Variants in CTNNA3 observed in about 807,000 individuals in gnomAD.
CTNNA3 encodes the protein catenin alpha-3.
CTNNA3 carries 76 observed loss-of-function variants against 95.7 expected under a neutral mutation model. The observed-to-expected ratio is 0.79, with a 90% CI of 0.66 to 0.96. The LOEUF (loss-of-function observed/expected upper bound fraction) is 0.96, where lower values mean the gene tolerates loss of function less well. Among genes scored for constraint, CTNNA3 ranks in the 40% least tolerant of loss-of-function variants. CTNNA3 has a pLI of 0.00. For synonymous variants in CTNNA3, 431 were observed against 374.4 expected, an observed-to-expected ratio of 1.15 and a Z score of -1.74; for missense variants, 1,191 against 1,089.8, an observed-to-expected ratio of 1.09 and a Z score of -1.31.
At chr10:67,334,567 T>A (rs1203818034) in intron 5 of CTNNA3, 2 of 152,556 alleles carry the variant, frequency 1.3e-5, no homozygotes, top group African/African-American at 4.8e-5. Flanking sequence ...CTGCACGTGA[T>A]GTGGGTTCCA....
At chr10:67,108,443 A>G (rs1043400632) in intron 7 of CTNNA3, among the ~76,000 whole-genome samples, 1 of 152,038 alleles carries the variant, frequency 6.6e-6, no homozygotes, top group Non-Finnish European at 1.5e-5. Context: ...CTATATAATG[A>G]TATTTTGATA....
intron 6 of CTNNA3, among the ~76,000 whole-genome samples, chr10:67,196,235 TA>T (rs996252989): frequency 3.9e-5 from 6 of 151,918 alleles, no homozygotes; most frequent in Admixed American, 2.0e-4. Flanking sequence ...GCTTTAGATA[TA>T]AAAAAAATTT....
intron 5 of CTNNA3, among the ~76,000 whole-genome samples, chr10:67,497,612 A>T (rs890995976): frequency 2.0e-5 from 3 of 152,172 alleles, no homozygotes; most frequent in Non-Finnish European, 4.4e-5. Flanking sequence ...CTAACTTTTT[A>T]AAGATAGCCA....
chr10:66,886,462 T>G (rs988866052), intron 7 of CTNNA3, among the ~76,000 whole-genome samples: 1 of 152,148 alleles, frequency 6.6e-6, no homozygotes, highest in African/African-American at 2.4e-5. Context: ...TTGAACTGCA[T>G]GCTTTAGACC....
At chr10:67,080,241 T>C (rs1468181556) in intron 7 of CTNNA3, among the ~76,000 whole-genome samples, 2 of 152,222 alleles carry the variant, frequency 1.3e-5, no homozygotes, top group African/African-American at 4.8e-5. Context: ...GATTGGGTTT[T>C]GAAATGGTAT....
intron 10 of CTNNA3, among the ~76,000 whole-genome samples, chr10:66,533,736 C>T (rs973428351): frequency 2.0e-5 from 3 of 152,068 alleles, no homozygotes; most frequent in Non-Finnish European, 4.4e-5. Flanking sequence ...TCAAGTCTAT[C>T]CCTACAGCGA....
At chr10:67,250,785 G>T (rs946235469) in intron 5 of CTNNA3, among the ~76,000 whole-genome samples, 3 of 152,086 alleles carry the variant, frequency 2.0e-5, no homozygotes, top group Non-Finnish European at 4.4e-5. Context: ...ATCACTTCAC[G>T]CCCACTAAGA....
At position 67,638,217 on chromosome 10, in the gene CTNNA3, G is replaced by C. The variant is rs186757007; in HGVS notation, c.99+9198C>G. ...AAAAAAGGCAGGGGTTGCAATCCTA[G>C]TCTCTGATAAGACAGACTTTAAACC... On this transcript the variant is annotated intron_variant, in intron 2 of 17. Transcript: ENST00000433211. Among the ~76,000 whole-genome samples the C allele has an allele frequency of 9.9e-3, 1,510 of 152,278 alleles. 31 individuals are homozygous for C. The highest frequency in any genetic ancestry group is 0.035 in the African/African-American group (1,438 of 41,550).
rs140409919 is a variant in CTNNA3 at position 67,728,801 on chromosome 10, G to A, written c.-2+34633C>T. Reference sequence around the variant, plus strand: ...CATAGTTAGCTAGATTTGTTAGGTCGGACTGACTGCTATGTGGTACTTACT... The same window carrying A: ...CATAGTTAGCTAGATTTGTTAGGTCAGACTGACTGCTATGTGGTACTTACT... On this transcript the variant is annotated intron_variant, in intron 1 of 17. Coordinates refer to the CTNNA3 transcript ENST00000684154. Among the ~76,000 whole-genome samples, 21 of 152,024 alleles carry A rather than the reference G, an allele frequency of 1.4e-4. No individual in the cohort carries two copies. In the East Asian group the frequency reaches 2.7e-3, roughly 20 times the overall value.
intron 15 of CTNNA3, among the ~76,000 whole-genome samples, chr10:66,043,807 C>G (rs1353977148): frequency 6.6e-6 from 1 of 152,150 alleles, no homozygotes; most frequent in Non-Finnish European, 1.5e-5. Flanking sequence ...CTGTTAAACA[C>G]CAGTCAAACA....
intron 16 of CTNNA3, among the ~76,000 whole-genome samples, chr10:65,983,201 C>T (rs1279907942): frequency 2.0e-5 from 3 of 151,564 alleles, no homozygotes; most frequent in African/African-American, 7.3e-5. Context: ...CAGTTATTAG[C>T]CTTAATATCT....
At chr10:66,108,144 G>A (rs537462071) in intron 13 of CTNNA3, among the ~76,000 whole-genome samples, 19 of 152,170 alleles carry the variant, frequency 1.2e-4, no homozygotes, top group Middle Eastern at 3.4e-3. Flanking sequence ...TCAAAATGGA[G>A]AGATCACAAT....
At chr10:67,711,090 T>A (rs1051349909) in intron 1 of CTNNA3, among the ~76,000 whole-genome samples, 2 of 152,216 alleles carry the variant, frequency 1.3e-5, no homozygotes, top group African/African-American at 4.8e-5. Context: ...ACATGCCTTA[T>A]CTTCCACCAT....
intron 5 of CTNNA3, among the ~76,000 whole-genome samples, chr10:67,507,988 T>C (rs1030491887): frequency 2.0e-5 from 3 of 152,208 alleles, no homozygotes; most frequent in African/African-American, 7.2e-5. Flanking sequence ...AAATTAGATA[T>C]AGAAGGAATG....
At chr10:67,725,883 G>C (rs902671482) in intron 1 of CTNNA3, among the ~76,000 whole-genome samples, 1 of 141,982 alleles carries the variant, frequency 7.0e-6, no homozygotes, top group Admixed American at 7.5e-5. Flanking sequence ...TGACTAGAAT[G>C]TCATATATAT....
At chr10:66,242,770 A>G (rs945967732) in intron 13 of CTNNA3, among the ~76,000 whole-genome samples, 10 of 152,208 alleles carry the variant, frequency 6.6e-5, no homozygotes, top group African/African-American at 2.4e-4. Context: ...TACTAACAAT[A>G]AAATTTAAGC....
At chr10:66,231,951 C>T (rs1451966192) in intron 13 of CTNNA3, among the ~76,000 whole-genome samples, 3 of 152,174 alleles carry the variant, frequency 2.0e-5, no homozygotes, top group Non-Finnish European at 4.4e-5. Flanking sequence ...TATACTGCTA[C>T]TGCTAAGGAT....
rs1847938570 is a variant in CTNNA3 at position 66,701,446 on chromosome 10, GAGA to G, written c.1281+64815_1281+64817del. Among the ~76,000 whole-genome samples, 4 of 152,128 alleles carry G rather than the reference GAGA, an allele frequency of 2.6e-5. No homozygotes were observed. In the South Asian group the frequency reaches 8.3e-4, roughly 32 times the overall value. On this transcript the variant is annotated intron_variant, in intron 9 of 17. Coordinates refer to ENST00000433211, the MANE Select transcript of CTNNA3 (RefSeq NM_013266.4). Reference sequence around the variant, plus strand: ...AAATCTACAGATCAATTGAGGAGAAGAGAAGACCACTTTAACACTGTTACAGTT... The same window carrying G: ...AAATCTACAGATCAATTGAGGAGAAGAGACCACTTTAACACTGTTACAGTT...
intron 10 of CTNNA3, among the ~76,000 whole-genome samples, chr10:66,591,369 C>A (rs1490446084): frequency 6.6e-6 from 1 of 152,096 alleles, no homozygotes; most frequent in African/African-American, 2.4e-5. Flanking sequence ...TAAGTACCTT[C>A]ATAATTAAAT....
Sources: allele counts gnomAD v4.1 joint callset (sites outside exome capture counted in the v4.1 genomes callset), GRCh38; gene constraint gnomAD v4.1.1; transcripts MANE v1.5; gene names NCBI Gene and HGNC (gene_info 2026-07-23, HGNC 2026-07-21).